The following ITPR2 variants were observed in gnomAD, a reference collection of about 807,000 sequenced individuals.
ITPR2 encodes the protein inositol 1,4,5-trisphosphate-gated calcium channel ITPR2.
A neutral mutation model predicts 317.1 loss-of-function variants in ITPR2; 207 were observed. That is an observed-to-expected ratio of 0.65 (90% CI 0.58 to 0.73). The LOEUF is 0.73. ITPR2 is among the 30% of genes least tolerant of loss of function. ITPR2 has a pLI of 0.00. For synonymous variants in ITPR2, 1,156 were observed against 1,149.1 expected, an observed-to-expected ratio of 1.01 and a Z score of -0.12; for missense variants, 2,613 against 3,284.0, an observed-to-expected ratio of 0.80 and a Z score of 4.99.
chr12:26,558,546 T>C (rs987687809), intron 35 of ITPR2, among the ~76,000 whole-genome samples: 4 of 152,234 alleles, frequency 2.6e-5, no homozygotes, highest in African/African-American at 9.6e-5. Context: ...TCTTAATCAC[T>C]CCTAACCATT....
At chr12:26,586,970 T>C (rs1003529690) in intron 32 of ITPR2, among the ~76,000 whole-genome samples, 2 of 151,930 alleles carry the variant, frequency 1.3e-5, no homozygotes, top group African/African-American at 4.8e-5. Context: ...CACCAATCCC[T>C]GGAAATATCC....
chr12:26,349,017 G>A lies in ITPR2; in HGVS notation c.7858-8689C>T, dbSNP rs192880794. 1.8e-3 allele frequency among the ~76,000 whole-genome samples: 273 copies of A among 152,218 alleles called. 4 individuals are homozygous for A. Among genetic ancestry groups the A allele is most frequent in the Non-Finnish European group, 1.2e-3 (80 of 68,002 alleles). ...TAAACAATTAACTGTGTGTGGTGGC[G>A]CACACCTATAGTCCAAGCTACTTGG... On this transcript the variant is annotated intron_variant, in intron 55 of 56. Coordinates refer to ENST00000381340, the MANE Select transcript of ITPR2 (RefSeq NM_002223.4).
At chr12:26,714,593 G>A (rs898794192) in intron 8 of ITPR2, among the ~76,000 whole-genome samples, 64 of 152,078 alleles carry the variant, frequency 4.2e-4, no homozygotes, top group Non-Finnish European at 8.7e-4. Context: ...TAAAGGGAGT[G>A]TCACAAAATA....
In ITPR2 at chr12:26,487,053, C is replaced by T; in HGVS notation, c.5554+15G>A. The T allele has an allele frequency of 6.2e-7, 1 of 1,606,464 alleles. No individual in the cohort carries two copies. On this transcript the variant is annotated intron_variant, in intron 40 of 56. Coordinates refer to ENST00000381340, the MANE Select transcript of ITPR2 (RefSeq NM_002223.4). ...CTCTCACTCTGTTCTCCCAAATACT[C>T]AAATACTTCTTTACCTCTCATTCGT... is the stretch of plus-strand genomic sequence containing the variant.
intron 2 of ITPR2, among the ~76,000 whole-genome samples, chr12:26,783,946 G>C (rs1950142670): frequency 6.6e-6 from 1 of 152,110 alleles, no homozygotes; most frequent in Non-Finnish European, 1.5e-5. Flanking sequence ...ATGACTAGAT[G>C]CAACTCAGGA....
intron 55 of ITPR2, among the ~76,000 whole-genome samples, chr12:26,343,465 T>A (rs2136545186): frequency 6.6e-6 from 1 of 152,270 alleles, no homozygotes; most frequent in Middle Eastern, 3.4e-3. Flanking sequence ...GGAGATAGAT[T>A]AGTGATGGTT....
At chr12:26,653,938 A>G in intron 21 of ITPR2, 38 bp downstream of exon 21, 1 of 1,546,916 alleles carries the variant, frequency 6.5e-7, no homozygotes, top group Non-Finnish European at 8.9e-7. Flanking sequence ...ACTTCCAAGT[A>G]ATAACAATGA....
chr12:26,492,723 G>A (rs1241600049), intron 39 of ITPR2, among the ~76,000 whole-genome samples: 1 of 152,164 alleles, frequency 6.6e-6, no homozygotes, highest in Non-Finnish European at 1.5e-5. Flanking sequence ...AGTTAAACAG[G>A]AGGAGTAAGT....
chr12:26,643,065 T>C (rs1947030141), intron 21 of ITPR2, among the ~76,000 whole-genome samples: 1 of 152,210 alleles, frequency 6.6e-6, no homozygotes, highest in African/African-American at 2.4e-5. Flanking sequence ...ACCAGGGCTC[T>C]TTCGAAAGAT....
intron 20 of ITPR2, 119 bp from the exon 21 acceptor site, chr12:26,654,245 C>T: frequency 2.6e-6 from 2 of 765,608 alleles, no homozygotes; most frequent in Non-Finnish European, 4.0e-6. Flanking sequence ...TCTAAACTTC[C>T]TAATTCTTTA....
rs777855580 is a variant in ITPR2 at position 26,414,050 on chromosome 12, TAC to T, written c.7306+1251_7306+1252del. Reference sequence around the variant, plus strand: ...AGCAGATAGTCTACATGTATATATGTACACACACACACACACACACACACACA... The same window carrying T: ...AGCAGATAGTCTACATGTATATATGTACACACACACACACACACACACACA... On this transcript the variant is annotated intron_variant, in intron 51 of 56. Transcript: ENST00000381340. 8.1e-3 allele frequency among the ~76,000 whole-genome samples: 1,114 copies of T among 138,182 alleles called. 16 individuals carry two copies. Among genetic ancestry groups the T allele is most frequent in the African/African-American group, 0.026 (932 of 35,736 alleles). 90.7% of individuals were successfully genotyped at this position (138,182 alleles called of 152,430 possible). A position where few individuals can be genotyped will look rare whatever the true frequency, so the allele number is the denominator to read the frequency against.
At chr12:26,459,153 G>A (rs900838276) in intron 45 of ITPR2, among the ~76,000 whole-genome samples, 1 of 152,154 alleles carries the variant, frequency 6.6e-6, no homozygotes, top group Non-Finnish European at 1.5e-5. Context: ...AAATCTAGGA[G>A]GGTGGACATT....
At chr12:26,547,865 A>G (rs115915858) in intron 37 of ITPR2, among the ~76,000 whole-genome samples, 183 of 152,354 alleles carry the variant, frequency 1.2e-3, no homozygotes, top group African/African-American at 4.4e-3. Context: ...ATGTCTTAAA[A>G]TTTGGCGCCA....
At chr12:26,429,227 T>A (rs538188480) in intron 48 of ITPR2, among the ~76,000 whole-genome samples, 3 of 152,322 alleles carry the variant, frequency 2.0e-5, no homozygotes, top group African/African-American at 7.2e-5. Flanking sequence ...AATCAGATAA[T>A]GAACAGCATT....
intron 32 of ITPR2, among the ~76,000 whole-genome samples, chr12:26,585,750 GT>G (rs1945510667): frequency 6.6e-6 from 1 of 152,088 alleles, no homozygotes; most frequent in Non-Finnish European, 1.5e-5. Context: ...TTTTTGGAGG[GT>G]AAATTACTTG....
At chr12:26,638,080 G>C (rs906811861) in intron 21 of ITPR2, among the ~76,000 whole-genome samples, 2 of 152,116 alleles carry the variant, frequency 1.3e-5, no homozygotes, top group Non-Finnish European at 2.9e-5. Flanking sequence ...GAAGAAAACT[G>C]TTTTACATCC....
chr12:26,442,894 C>T (rs371979952), intron 46 of ITPR2, among the ~76,000 whole-genome samples: 6 of 152,152 alleles, frequency 3.9e-5, no homozygotes, highest in Non-Finnish European at 7.3e-5. Context: ...ACTCTGCTCA[C>T]TTCTGCCTGA....
At chr12:26,342,533 G>C (rs1938163328) in intron 55 of ITPR2, among the ~76,000 whole-genome samples, 1 of 135,374 alleles carries the variant, frequency 7.4e-6, no homozygotes, top group Non-Finnish European at 1.5e-5. Flanking sequence ...GATCCCTCAG[G>C]AATTGGCTTG....
intron 13 of ITPR2, among the ~76,000 whole-genome samples, chr12:26,681,337 A>G (rs991740442): frequency 3.9e-5 from 6 of 152,240 alleles, no homozygotes; most frequent in African/African-American, 1.4e-4. Flanking sequence ...AGCTGTCAAT[A>G]TCATTCTCTT....
Sources: allele counts gnomAD v4.1 joint callset (sites outside exome capture counted in the v4.1 genomes callset), GRCh38; gene constraint gnomAD v4.1.1; transcripts MANE v1.5; gene names NCBI Gene and HGNC (gene_info 2026-07-23, HGNC 2026-07-21).